The following PHYKPL variants were observed in gnomAD, a reference collection of about 807,000 sequenced individuals.
PHYKPL encodes the protein 5-phosphonooxy-L-lysine phospho-lyase.
PHYKPL carries 42 observed loss-of-function variants against 51.3 expected under a neutral mutation model. That is an observed-to-expected ratio of 0.82 (90% CI 0.64 to 1.06). The LOEUF (loss-of-function observed/expected upper bound fraction) is 1.06, where lower values mean the gene tolerates loss of function less well. PHYKPL is among the 50% of genes least tolerant of loss of function. The probability of loss-of-function intolerance (pLI) is 0.00; values close to 1 mark genes in which losing one functional copy is unlikely to be tolerated. For missense variants in PHYKPL, 655 were observed against 586.6 expected, an observed-to-expected ratio of 1.12 and a Z score of -1.20; for synonymous variants, 264 against 236.0, an observed-to-expected ratio of 1.12 and a Z score of -1.09.
chr5:178,223,201 CT>C, intron 6 of PHYKPL: 2 of 465,448 alleles, frequency 4.3e-6, no homozygotes, highest in Non-Finnish European at 4.0e-6. Context: ...AAGCCAGTTC[CT>C]TCCCTGTCCC....
chr5:178,222,172 T>TA (rs1470725116), intron 8 of PHYKPL, among the ~76,000 whole-genome samples, 183 bp downstream of exon 8: 2 of 152,258 alleles, frequency 1.3e-5, no homozygotes, highest in East Asian at 3.8e-4. Context: ...GGATTGACAC[T>TA]AATTTTAAAA....
intron 8 of PHYKPL, chr5:178,216,695 A>T (rs1190325432): frequency 6.6e-6 from 1 of 152,236 alleles, no homozygotes; most frequent in Non-Finnish European, 1.5e-5. Flanking sequence ...ACTGCGCCCG[A>T]GGAAGCTGAC....
intron 12 of PHYKPL, chr5:178,210,634 G>A (rs370621026): frequency 5.0e-6 from 8 of 1,609,270 alleles, no homozygotes; most frequent in Non-Finnish European, 6.0e-6. Flanking sequence ...GGCGGCAGCA[G>A]GAGCGACCAA....
At position 178,222,394 on chromosome 5, in the gene PHYKPL, C is replaced by G; in HGVS notation, c.888G>C (p.Ala296=). ...VACVAATQPV[A]RAFEATGVEY... ...CAACGCCGGTGGCTTCAAATGCCCT[C>G]GCCACAGGCTGGGTTGCGGCCACGC... The change falls in exon 8 of 13, where the codon GCG becomes GCC. Residue 296 remains alanine, a synonymous_variant. Transcript: ENST00000308158. 1 of 1,614,012 alleles carries G rather than the reference C, an allele frequency of 6.2e-7. No individual in the cohort carries two copies. Among genetic ancestry groups the G allele is most frequent in the Non-Finnish European group, 8.5e-7 (1 of 1,179,872 alleles).
At chr5:178,224,379 GCA>G in intron 6 of PHYKPL, 67 bp downstream of exon 6, 2 of 1,441,138 alleles carry the variant, frequency 1.4e-6, no homozygotes, top group South Asian at 1.3e-5. Flanking sequence ...CCAGCATCTA[GCA>G]CAGTGGCGGT....
At chr5:178,215,017 A>G (rs1759465730) in intron 9 of PHYKPL, 132 bp from the exon 10 acceptor site, 2 of 874,392 alleles carry the variant, frequency 2.3e-6, no homozygotes, top group African/African-American at 3.4e-5. Context: ...GGTGGTGAGA[A>G]TAGTTTCAGG....
intron 9 of PHYKPL, 70 bp from the exon 10 acceptor site, chr5:178,214,955 GGCTCCTA>G: frequency 6.9e-7 from 1 of 1,440,552 alleles, no homozygotes; most frequent in Non-Finnish European, 9.6e-7. Flanking sequence ...TCAGCCTCTG[GGCTCCTA>G]CCTGTGCCTC....
chr5:178,217,342 T>C (rs970606408), intron 8 of PHYKPL, among the ~76,000 whole-genome samples: 12 of 151,570 alleles, frequency 7.9e-5, no homozygotes, highest in African/African-American at 2.9e-4. Flanking sequence ...TGCTTCAGCC[T>C]CCCAACTAGC....
At chr5:178,207,691 CTTTTTTT>C (rs34424574), downstream of PHYKPL, among the ~76,000 whole-genome samples, 17 of 78,746 alleles carry the variant, frequency 2.2e-4, no homozygotes, top group Admixed American at 5.2e-4. Flanking sequence ...ACTTTGAGCA[CTTTTTTT>C]TTTTTTTTTT....
chr5:178,230,194 A>G (rs1381044985), intron 2 of PHYKPL, 95 bp from the exon 3 acceptor site: 7 of 1,496,122 alleles, frequency 4.7e-6, no homozygotes, highest in African/African-American at 2.8e-5. Flanking sequence ...GCCAGAAGAG[A>G]TGTAGTTCTA....
downstream of PHYKPL, chr5:178,207,186 G>C (rs772300151): frequency 5.6e-6 from 9 of 1,614,190 alleles, no homozygotes; most frequent in Non-Finnish European, 7.6e-6. Flanking sequence ...CCGTGAAGAA[G>C]GTTCTGGAGA....
At chr5:178,226,314 G>A (rs551714783) in intron 3 of PHYKPL, among the ~76,000 whole-genome samples, 13 of 152,046 alleles carry the variant, frequency 8.6e-5, no homozygotes, top group African/African-American at 2.7e-4. Context: ...TGATCCACCC[G>A]CCTCGGCCTC....
intron 4 of PHYKPL, 93 bp from the exon 5 acceptor site, chr5:178,224,822 A>G: frequency 2.1e-6 from 2 of 972,506 alleles, no homozygotes; most frequent in East Asian, 2.6e-5. Flanking sequence ...GAAGACACAC[A>G]AGGGAGGCCA....
At chr5:178,220,492 G>C (rs1760939342) in intron 8 of PHYKPL, among the ~76,000 whole-genome samples, 1 of 152,070 alleles carries the variant, frequency 6.6e-6, no homozygotes, top group African/African-American at 2.4e-5. Context: ...TGAAACTCTT[G>C]TCTCAAAAAA....
At chr5:178,214,346 G>A (rs1189829603) in intron 10 of PHYKPL, among the ~76,000 whole-genome samples, 2 of 152,130 alleles carry the variant, frequency 1.3e-5, no homozygotes, top group African/African-American at 4.8e-5. Flanking sequence ...CCCAGCTTAG[G>A]AGCAGGAGTC....
intron 2 of PHYKPL, 40 bp from the exon 3 acceptor site, chr5:178,230,139 C>T: frequency 6.2e-7 from 1 of 1,608,884 alleles, no homozygotes; most frequent in African/African-American, 1.3e-5. Flanking sequence ...TGGCTCCACT[C>T]AGCCAGTCCC....
chr5:178,210,131 GGTCAGA>G (rs764701576), intron 12 of PHYKPL: 4 of 1,614,116 alleles, frequency 2.5e-6, no homozygotes, highest in East Asian at 2.2e-5. Flanking sequence ...TCCCCCCACA[GGTCAGA>G]GTCAGAGTTG....
intron 12 of PHYKPL, chr5:178,209,323 C>CT (rs748130778): frequency 6.2e-7 from 1 of 1,613,152 alleles, no homozygotes; most frequent in East Asian, 2.2e-5. Context: ...GTCCTCTTGA[C>CT]TTTTAGTGTG....
rs200141370 is a variant in PHYKPL at position 178,222,573 on chromosome 5, G to A, written c.709C>T (p.Arg237Cys). 53 of 1,614,112 alleles carry A rather than the reference G, an allele frequency of 3.3e-5. 1 individual carries two copies. Among genetic ancestry groups the A allele is most frequent in the East Asian group, 2.7e-4 (12 of 44,880 alleles). Residue 237 changes from arginine to cysteine, a missense_variant, in exon 8 of 13, where the codon CGC becomes TGC. Coordinates refer to ENST00000308158, the MANE Select transcript of PHYKPL (RefSeq NM_153373.4). ...GCAACAAAGACCCCTCCGGCCTTGC[G>A]GATGTGCCTGTGGCAGAGGAGATGA... ...GYFSQVAEHI[R>C]KAGGVFVADE... is the part of the protein sequence containing the mutation.
Sources: allele counts gnomAD v4.1 joint callset (sites outside exome capture counted in the v4.1 genomes callset), GRCh38; gene constraint gnomAD v4.1.1; transcripts MANE v1.5; gene names NCBI Gene and HGNC (gene_info 2026-07-23, HGNC 2026-07-21).